Variants in C1orf87 observed in about 807,000 individuals in gnomAD.
C1orf87 encodes the protein uncharacterized protein C1orf87.
In C1orf87, 58 loss-of-function variants were observed where a neutral mutation model predicts 60.5. That is an observed-to-expected ratio of 0.96 (90% CI 0.78 to 1.19). The LOEUF (loss-of-function observed/expected upper bound fraction) is 1.19. Ranked by LOEUF, C1orf87 falls within the 50% of genes most tolerant of loss-of-function variation. C1orf87 has a pLI of 0.00. For synonymous variants in C1orf87, 236 were observed against 227.4 expected (o/e 1.04, Z -0.34); for missense variants, 673 against 638.6 (o/e 1.05, Z -0.58).
At position 60,033,585 on chromosome 1, in the gene C1orf87, ATC is replaced by A; in HGVS notation, c.918_919del (p.Glu306AspfsTer37). Reference sequence around the variant, plus strand: ...GGTTGTCCTTAGTGCCATCTTCAAAATCTCCAACAGACTCCTGTTCACTTCTG... The same window carrying A: ...GGTTGTCCTTAGTGCCATCTTCAAAATCCAACAGACTCCTGTTCACTTCTG... On this transcript the variant is annotated frameshift_variant, in exon 7 of 12. Transcript: ENST00000371201. LOFTEE classifies it high-confidence loss of function. 1 of 1,613,504 alleles carries A rather than the reference ATC, an allele frequency of 6.2e-7. No homozygotes were observed. The highest frequency in any genetic ancestry group is 8.5e-7 in the Non-Finnish European group (1 of 1,179,696).
chr1:60,002,087 A>T (rs1371961557), intron 9 of C1orf87, among the ~76,000 whole-genome samples: 1 of 152,134 alleles, frequency 6.6e-6, no homozygotes, highest in African/African-American at 2.4e-5. Context: ...AGCTTTATTA[A>T]TCAGTGCATA....
intron 11 of C1orf87, among the ~76,000 whole-genome samples, chr1:59,995,733 T>A (rs1314981620): frequency 6.6e-6 from 1 of 152,202 alleles, no homozygotes; most frequent in Non-Finnish European, 1.5e-5. Context: ...ATTTGTGCCT[T>A]CATTTGTCTC....
At chr1:60,010,240 A>AC (rs1401431639) in intron 9 of C1orf87, 152 bp downstream of exon 9, 4 of 703,106 alleles carry the variant, frequency 5.7e-6, no homozygotes, top group African/African-American at 1.8e-5. Context: ...GGTGATTCTA[A>AC]CCCCCATTTT....
intron 9 of C1orf87, among the ~76,000 whole-genome samples, chr1:60,001,881 G>C (rs1645008743): frequency 6.6e-6 from 1 of 152,074 alleles, no homozygotes; most frequent in Admixed American, 6.6e-5. Context: ...CTTGCAGCAG[G>C]CTGCTGCCTT....
intron 3 of C1orf87, among the ~76,000 whole-genome samples, chr1:60,053,103 A>G (rs921798257): frequency 6.6e-6 from 1 of 152,336 alleles, no homozygotes; most frequent in Admixed American, 6.5e-5. Context: ...CATGCTACCT[A>G]TGGTAATGGC....
At chr1:60,058,077 G>T (rs1645469506) in intron 2 of C1orf87, among the ~76,000 whole-genome samples, 1 of 152,172 alleles carries the variant, frequency 6.6e-6, no homozygotes, top group Non-Finnish European at 1.5e-5. Context: ...TTTTTGCAAT[G>T]AGAGAAGACA....
intron 5 of C1orf87, 141 bp downstream of exon 5, chr1:60,039,776 A>G: frequency 4.3e-6 from 4 of 936,366 alleles, no homozygotes; most frequent in Non-Finnish European, 6.4e-6. Context: ...CTACACATGA[A>G]TATAAATAAG....
intron 2 of C1orf87, among the ~76,000 whole-genome samples, chr1:60,064,083 C>A (rs1645515699): frequency 6.6e-6 from 1 of 151,562 alleles, no homozygotes; most frequent in African/African-American, 2.4e-5. Flanking sequence ...AGCCTCCCAG[C>A]CTACATCTTT....
intron 4 of C1orf87, 124 bp from the exon 5 acceptor site, chr1:60,040,304 A>T (rs1001578177): frequency 8.1e-6 from 10 of 1,241,962 alleles, no homozygotes; most frequent in Non-Finnish European, 1.0e-5. Context: ...GGCCTGGAGC[A>T]GGACAAGTCT....
intron 8 of C1orf87, among the ~76,000 whole-genome samples, chr1:60,014,062 A>C (rs79399378): frequency 0.015 from 2,290 of 152,152 alleles, 46 homozygotes; most frequent in African/African-American, 0.052. Context: ...TTTTCCCCTT[A>C]CCACCTTGCT....
chr1:60,053,994 A>G (rs897696401), intron 3 of C1orf87, among the ~76,000 whole-genome samples: 1 of 152,220 alleles, frequency 6.6e-6, no homozygotes, highest in Non-Finnish European at 1.5e-5. Context: ...CGTCTTTTAT[A>G]ACCATAATAT....
Position 60,038,056 on chromosome 1 carries a change from G to C in C1orf87, c.799C>G (p.Pro267Ala). ...WFLNSAASDYPQQNKAAADLR... is the reference protein window; with the variant it reads ...WFLNSAASDYAQQNKAAADLR... ...TCTGCAGCTGCTTTATTTTGCTGTG[G>C]ATAATCTGATGCTGCACTGTTTAAA... Residue 267 changes from proline (P) to alanine (A), a missense_variant, in exon 6 of 12, where the codon CCA (proline) becomes GCA (alanine). Pro to Ala is a conservative substitution (Grantham distance 27, BLOSUM62 -1). Transcript: ENST00000371201. The C allele has an allele frequency of 1.2e-6, 2 of 1,609,590 alleles. No individual in the cohort carries two copies. The highest frequency in any genetic ancestry group is 8.5e-7 in the Non-Finnish European group (1 of 1,176,704).
intron 11 of C1orf87, among the ~76,000 whole-genome samples, chr1:59,994,203 A>G (rs994021672): frequency 2.0e-5 from 3 of 152,136 alleles, no homozygotes; most frequent in Admixed American, 6.5e-5. Context: ...GGTGAAGAGA[A>G]TGTAAGTGAC....
intron 8 of C1orf87, among the ~76,000 whole-genome samples, chr1:60,012,280 C>G (rs1645091742): frequency 1.3e-5 from 2 of 151,852 alleles, no homozygotes; most frequent in African/African-American, 4.8e-5. Flanking sequence ...TAGGAATTAT[C>G]AGGTAGTGTT....
intron 10 of C1orf87, among the ~76,000 whole-genome samples, chr1:59,998,737 T>C (rs1463312761): frequency 1.3e-5 from 2 of 152,120 alleles, no homozygotes; most frequent in Non-Finnish European, 2.9e-5. Context: ...TGTGAGATAT[T>C]GGAACTCTAG....
chr1:60,003,383 A>G (rs1645021184), intron 9 of C1orf87, among the ~76,000 whole-genome samples: 2 of 151,980 alleles, frequency 1.3e-5, no homozygotes, highest in African/African-American at 4.8e-5. Flanking sequence ...ATAACGAGTT[A>G]GTGGGTGCAG....
chr1:60,064,425 C>T (rs1219724992), intron 2 of C1orf87, among the ~76,000 whole-genome samples: 4 of 139,134 alleles, frequency 2.9e-5, no homozygotes, highest in African/African-American at 5.3e-5. Context: ...TTTCATGGTG[C>T]ACATAAAAGT....
rs751049747 is a variant in C1orf87 at position 60,025,415 on chromosome 1, G to A, written c.1113C>T (p.Tyr371=). The A allele has an allele frequency of 5.0e-6, 8 of 1,612,270 alleles. No individual in the cohort carries two copies. The South Asian group carries it at 7.7e-5, about 16-fold the overall frequency. The part of the protein sequence containing the change: ...ETLLNHQDLG[Y]QNEIKWQNFV... The stretch of plus-strand genomic sequence containing the variant: ...AGTTGACTTACTTTATTTCATTTTG[G>A]TAACCCAAATCTTGATGGTTAAGCA... The change falls in exon 8 of 12, where the codon TAC becomes TAT. Residue 371 remains tyrosine (Y), a synonymous_variant. Coordinates refer to ENST00000371201, the MANE Select transcript of C1orf87 (RefSeq NM_152377.3).
intron 2 of C1orf87, among the ~76,000 whole-genome samples, chr1:60,059,091 A>T (rs553193954): frequency 6.6e-6 from 1 of 152,318 alleles, no homozygotes; most frequent in South Asian, 2.1e-4. Context: ...TTTAAAAAAA[A>T]ATACATAGCG....
Sources: allele counts gnomAD v4.1 joint callset (sites outside exome capture counted in the v4.1 genomes callset), GRCh38; gene constraint gnomAD v4.1.1; transcripts MANE v1.5; gene names NCBI Gene and HGNC (gene_info 2026-07-23, HGNC 2026-07-21).